SPAG6: variants seen among roughly 807,000 people sequenced by gnomAD.
SPAG6 encodes the protein sperm-associated antigen 6.
A neutral mutation model predicts 58.5 loss-of-function variants in SPAG6; 49 were observed. The observed-to-expected ratio is 0.84, with a 90% CI of 0.67 to 1.06. The LOEUF (loss-of-function observed/expected upper bound fraction) is 1.06. SPAG6 is among the 50% of genes least tolerant of loss of function. SPAG6 has a pLI of 0.00. For synonymous variants in SPAG6, 233 were observed against 225.6 expected (o/e 1.03, Z -0.29); for missense variants, 560 against 611.3 (o/e 0.92, Z 0.89).
At chr10:22,410,094 T>A (rs1834691502) in intron 9 of SPAG6, among the ~76,000 whole-genome samples, 1 of 152,198 alleles carries the variant, frequency 6.6e-6, no homozygotes, top group Non-Finnish European at 1.5e-5. Flanking sequence ...CAGTGACTTG[T>A]TTTTTAGTTT....
chr10:22,367,873 A>T lies in SPAG6; in HGVS notation c.289-622A>T, dbSNP rs1645846032. Reference sequence around the variant, plus strand: ...TATCTTAAAAAAAAAGCATTTCTAGAGAAAATAACTTATATCCCATTGTTT... The same window carrying T: ...TATCTTAAAAAAAAAGCATTTCTAGTGAAAATAACTTATATCCCATTGTTT... On this transcript the variant is annotated intron_variant, in intron 3 of 10. Coordinates refer to ENST00000376624, the MANE Select transcript of SPAG6 (RefSeq NM_012443.4). Among the ~76,000 whole-genome samples, 3 of 152,202 alleles carry T rather than the reference A, an allele frequency of 2.0e-5. No individual in the cohort carries two copies. In the South Asian group the frequency reaches 6.2e-4, roughly 31 times the overall value.
At chr10:22,350,104 G>A (rs1274740394) in intron 2 of SPAG6, among the ~76,000 whole-genome samples, 1 of 150,664 alleles carries the variant, frequency 6.6e-6, no homozygotes, top group Non-Finnish European at 1.5e-5. Flanking sequence ...ATTTAAATTT[G>A]ACTTTTTTTT....
At position 22,368,568 on chromosome 10, in the gene SPAG6, T is replaced by C. The variant is rs1305182782; in HGVS notation, c.362T>C (p.Ile121Thr). ...GKHSPQLAQA[I>T]VDCGALDTLV... ...CATTCTCCCCAGCTAGCTCAGGCAA[T>C]AGTCGATTGTGGAGCACTGGATACG... The change falls in exon 4 of 11, where the codon ATA (isoleucine) becomes ACA (threonine). Residue 121 changes from isoleucine to threonine, a missense_variant. Coordinates refer to ENST00000376624, the MANE Select transcript of SPAG6 (RefSeq NM_012443.4). 6.2e-7 allele frequency: 1 copy of C among 1,613,970 alleles called. No individual in the cohort carries two copies. The highest frequency in any genetic ancestry group is 1.7e-5 in the Admixed American group (1 of 59,996).
At chr10:22,370,702 C>T (rs1376521984) in intron 4 of SPAG6, among the ~76,000 whole-genome samples, 15 of 152,178 alleles carry the variant, frequency 9.9e-5, no homozygotes, top group Non-Finnish European at 2.1e-4. Context: ...AATTAAATTA[C>T]AAATTATTAA....
intron 2 of SPAG6, among the ~76,000 whole-genome samples, chr10:22,346,496 C>CTTCTTCTTCTTCTTCT (rs1564357370): frequency 1.3e-5 from 1 of 75,738 alleles, no homozygotes; most frequent in Non-Finnish European, 2.7e-5. Context: ...TCTTCTTCTT[C>CTTCTTCTTCTTCTTCT]TTTCTTCTTC....
chr10:22,383,264 G>A (rs1016200999), intron 4 of SPAG6, among the ~76,000 whole-genome samples: 3 of 152,146 alleles, frequency 2.0e-5, no homozygotes, highest in Non-Finnish European at 4.4e-5. Context: ...TGAACTTCAT[G>A]AGATTTCTCC....
In SPAG6 at chr10:22,400,275, C is replaced by T. The variant is rs889885271; in HGVS notation, c.1198-886C>T. ...AAAGCCATAAGGGAGCACTGAAGCA[C>T]AAAACCTCAGACAAGCAGATGTGGA... On this transcript the variant is annotated intron_variant, in intron 8 of 10. Transcript: ENST00000376624. Among the ~76,000 whole-genome samples the T allele has an allele frequency of 3.3e-5, 5 of 152,060 alleles. No homozygotes were observed. In the South Asian group the frequency reaches 1.0e-3, roughly 31 times the overall value.
intron 2 of SPAG6, among the ~76,000 whole-genome samples, chr10:22,347,448 T>C (rs867995848): frequency 6.6e-6 from 1 of 152,196 alleles, no homozygotes; most frequent in South Asian, 2.1e-4. Context: ...TAAAGTTTTT[T>C]CTCTCAGTCC....
At chr10:22,397,594 G>C (rs1209774376) in intron 8 of SPAG6, among the ~76,000 whole-genome samples, 1 of 152,184 alleles carries the variant, frequency 6.6e-6, no homozygotes, top group African/African-American at 2.4e-5. Flanking sequence ...TGGGATTAGA[G>C]GTGTGAGCCA....
intron 4 of SPAG6, among the ~76,000 whole-genome samples, chr10:22,382,504 G>C (rs942100984): frequency 1.3e-5 from 2 of 152,082 alleles, no homozygotes; most frequent in African/African-American, 4.8e-5. Context: ...TAAGGCAGCA[G>C]GGTAAGTGTG....
At chr10:22,408,788 A>C (rs1484762924) in intron 9 of SPAG6, among the ~76,000 whole-genome samples, 1 of 151,902 alleles carries the variant, frequency 6.6e-6, no homozygotes. Flanking sequence ...AATCAGCGAG[A>C]CTCTGTGGGG....
At chr10:22,377,364 C>A (rs750642399) in intron 4 of SPAG6, among the ~76,000 whole-genome samples, 5 of 152,112 alleles carry the variant, frequency 3.3e-5, no homozygotes, top group African/African-American at 1.2e-4. Flanking sequence ...GTTCTTGACC[C>A]GCAGAAACTC....
At chr10:22,392,387 A>G (rs974631910) in intron 8 of SPAG6, among the ~76,000 whole-genome samples, 5 of 152,102 alleles carry the variant, frequency 3.3e-5, no homozygotes, top group Non-Finnish European at 7.4e-5. Flanking sequence ...TATGTCTTAT[A>G]TTTGTTTCTT....
chr10:22,409,115 C>T (rs944234451), intron 9 of SPAG6, among the ~76,000 whole-genome samples: 3 of 152,148 alleles, frequency 2.0e-5, no homozygotes, highest in Non-Finnish European at 2.9e-5. Flanking sequence ...AGCTGTAGAC[C>T]GGAGCTGTTC....
chr10:22,365,480 T>C (rs543960801), intron 3 of SPAG6, among the ~76,000 whole-genome samples: 33 of 152,310 alleles, frequency 2.2e-4, no homozygotes, highest in African/African-American at 6.7e-4. Context: ...ATAAATCTTT[T>C]TTTACCAAGT....
chr10:22,398,639 G>C (rs1391499094), intron 8 of SPAG6, among the ~76,000 whole-genome samples: 1 of 152,140 alleles, frequency 6.6e-6, no homozygotes, highest in South Asian at 2.1e-4. Context: ...TAAGGCAGGA[G>C]TATTGCTTGA....
intron 4 of SPAG6, among the ~76,000 whole-genome samples, chr10:22,386,234 T>C (rs1168582446): frequency 6.6e-6 from 1 of 152,194 alleles, no homozygotes; most frequent in East Asian, 1.9e-4. Context: ...TTCTATTTTG[T>C]ATGAAATTTT....
At chr10:22,372,168 C>G (rs1833713625) in intron 4 of SPAG6, among the ~76,000 whole-genome samples, 1 of 151,798 alleles carries the variant, frequency 6.6e-6, no homozygotes, top group South Asian at 2.1e-4. Context: ...TTTTTTTAGT[C>G]TGTTGTTATA....
At chr10:22,358,241 C>A (rs1399922856) in intron 2 of SPAG6, among the ~76,000 whole-genome samples, 1 of 152,184 alleles carries the variant, frequency 6.6e-6, no homozygotes, top group Non-Finnish European at 1.5e-5. Flanking sequence ...TCCTCTCCAG[C>A]ACCTGTTGTT....
Sources: gnomAD v4.1 joint callset for allele counts (sites outside exome capture counted in the v4.1 genomes callset) on GRCh38, gnomAD v4.1.1 for gene constraint, MANE v1.5 for transcripts, NCBI Gene and HGNC (gene_info 2026-07-23, HGNC 2026-07-21) for gene names.